The following RGS18 variants were observed in gnomAD, a reference collection of about 807,000 sequenced individuals.
RGS18 encodes regulator of G protein signaling 18.
RGS18 carries 22 observed loss-of-function variants against 27.6 expected under a neutral mutation model. The ratio of observed to expected loss-of-function variants is 0.80; its 90% CI spans 0.57 to 1.14. The LOEUF (loss-of-function observed/expected upper bound fraction) is 1.14, where lower values mean the gene tolerates loss of function less well. Ranked by LOEUF, RGS18 falls within the 50% of genes most tolerant of loss-of-function variation. The pLI is 0.00. For synonymous variants in RGS18, 89 were observed against 84.6 expected (o/e 1.05, Z -0.29); for missense variants, 299 against 269.6 (o/e 1.11, Z -0.76).
At chr1:192,175,444 A>AT (rs1265975940) in intron 3 of RGS18, among the ~76,000 whole-genome samples, 6 of 151,358 alleles carry the variant, frequency 4.0e-5, no homozygotes, top group Admixed American at 1.3e-4. Flanking sequence ...TATCCTCTTG[A>AT]TTTTTTTTCT....
intron 3 of RGS18, among the ~76,000 whole-genome samples, chr1:192,176,472 A>G (rs182938933): frequency 6.6e-6 from 1 of 151,766 alleles, no homozygotes; most frequent in East Asian, 2.0e-4. Context: ...ATCTGTTGCC[A>G]GTTGTATTCT....
At chr1:192,176,498 C>T (rs1470890874) in intron 3 of RGS18, among the ~76,000 whole-genome samples, 1 of 151,574 alleles carries the variant, frequency 6.6e-6, no homozygotes, top group Non-Finnish European at 1.5e-5. Context: ...GAAACTACTG[C>T]CTCAATATTT....
rs552811352 is a variant in RGS18 at position 192,185,406 on chromosome 1, C to T, written c.*852C>T. On this transcript the variant is annotated 3_prime_UTR_variant, in exon 5 of 5. Transcript: ENST00000367460. ...AAACCAGAGAAGGTTTTTCCCAGGACGTCTCATGTTTGGCCCTTTAGAATT... is the reference window on the plus strand; with the variant it reads ...AAACCAGAGAAGGTTTTTCCCAGGATGTCTCATGTTTGGCCCTTTAGAATT... 1.3e-4 allele frequency: 20 copies of T among 151,612 alleles called. No individual in the cohort carries two copies. The highest frequency in any genetic ancestry group is 1.2e-3 in the East Asian group (6 of 5,126). 9.4% of individuals were successfully genotyped at this position (151,612 alleles called of 1,614,324 possible).
intron 4 of RGS18, among the ~76,000 whole-genome samples, chr1:192,183,724 C>T (rs1044273888): frequency 8.6e-5 from 13 of 151,428 alleles, no homozygotes; most frequent in African/African-American, 2.4e-4. Context: ...ATAAATGAAA[C>T]GTGGTGTACC....
chr1:192,170,435 T>C (rs749256920), intron 3 of RGS18, among the ~76,000 whole-genome samples: 2 of 152,104 alleles, frequency 1.3e-5, no homozygotes, highest in Non-Finnish European at 2.9e-5. Flanking sequence ...TCTTATCTTG[T>C]GATACACTGG....
intron 1 of RGS18, 33 bp downstream of exon 1, chr1:192,158,789 C>A: frequency 7.3e-7 from 1 of 1,376,172 alleles, no homozygotes; most frequent in Admixed American, 2.3e-5. Flanking sequence ...CAGCCTTATA[C>A]TTTTAAAAGC....
At chr1:192,160,969 C>T (rs566149469) in intron 3 of RGS18, among the ~76,000 whole-genome samples, 4 of 152,278 alleles carry the variant, frequency 2.6e-5, no homozygotes, top group South Asian at 2.1e-4. Context: ...CCTGCCTCAG[C>T]CTCCCGAGTA....
chr1:192,158,830 G>T, intron 1 of RGS18, 74 bp downstream of exon 1: 1 of 1,011,350 alleles, frequency 9.9e-7, no homozygotes. Context: ...ATTACCTCTT[G>T]TTTTTGAACT....
intron 4 of RGS18, 46 bp from the exon 5 acceptor site, chr1:192,184,251 A>T: frequency 6.4e-7 from 1 of 1,555,366 alleles, no homozygotes; most frequent in Non-Finnish European, 8.8e-7. Flanking sequence ...AAAGTTGTTT[A>T]TATAAGCATA....
At chr1:192,161,913 A>G (rs2102150444) in intron 3 of RGS18, among the ~76,000 whole-genome samples, 1 of 152,222 alleles carries the variant, frequency 6.6e-6, no homozygotes, top group African/African-American at 2.4e-5. Flanking sequence ...GGTCTTGGTG[A>G]CCTTTTCATG....
intron 3 of RGS18, among the ~76,000 whole-genome samples, chr1:192,165,902 A>G (rs1372425218): frequency 6.6e-6 from 1 of 152,216 alleles, no homozygotes; most frequent in Non-Finnish European, 1.5e-5. Context: ...TTTGTAGTTT[A>G]ATACTACATG....
At chr1:192,173,366 G>A (rs1360253321) in intron 3 of RGS18, among the ~76,000 whole-genome samples, 1 of 151,790 alleles carries the variant, frequency 6.6e-6, no homozygotes, top group Non-Finnish European at 1.5e-5. Context: ...GAGATATTGT[G>A]TAATTTTCTT....
At chr1:192,160,337 T>G (rs1180111482) in intron 2 of RGS18, 41 bp from the exon 3 acceptor site, 1 of 1,361,312 alleles carries the variant, frequency 7.3e-7, no homozygotes, top group Non-Finnish European at 1.0e-6. Flanking sequence ...TAAACAGACT[T>G]TCTGCACACT....
rs1322983574 is a variant in RGS18 at position 192,159,349 on chromosome 1, A to G, written c.221+28A>G. On this transcript the variant is annotated intron_variant, in intron 2 of 4. Coordinates refer to ENST00000367460, the MANE Select transcript of RGS18 (RefSeq NM_130782.3). ...GAATAAATTTTCAGTATTTTGAGGAAGATTTTGCTGATTCTATCATTAAAG... is the reference window on the plus strand; with the variant it reads ...GAATAAATTTTCAGTATTTTGAGGAGGATTTTGCTGATTCTATCATTAAAG... 2.7e-6 allele frequency: 4 copies of G among 1,470,210 alleles called. No individual in the cohort carries two copies. In the East Asian group the frequency reaches 9.1e-5, roughly 33 times the overall value. The allele number at this position is 1,470,210 out of a possible 1,614,324, so 91.1% of individuals were successfully genotyped here.
chr1:192,161,960 G>A (rs1656080747), intron 3 of RGS18, among the ~76,000 whole-genome samples: 1 of 152,058 alleles, frequency 6.6e-6, no homozygotes, highest in South Asian at 2.1e-4. Context: ...TTCTATATCT[G>A]TAGATGATAC....
intron 4 of RGS18, among the ~76,000 whole-genome samples, chr1:192,182,277 A>G (rs1656469567): frequency 6.6e-6 from 1 of 151,582 alleles, no homozygotes; most frequent in Admixed American, 6.6e-5. Flanking sequence ...ACTATTTTCT[A>G]TAATGGCTGC....
In RGS18 at chr1:192,184,615, T is replaced by C. The variant is rs1236091540; in HGVS notation, c.*61T>C. On this transcript the variant is annotated 3_prime_UTR_variant, in exon 5 of 5. Transcript: ENST00000367460. ...ATACATCTGCTTCTAACATATCGCA[T>C]GTTTATGTTAAGATTTGGTCCCATC... 2.0e-6 allele frequency: 3 copies of C among 1,468,660 alleles called. No individual in the cohort carries two copies. The Admixed American group carries it at 5.5e-5, about 27-fold the overall frequency. 91.0% of individuals were successfully genotyped at this position (1,468,660 alleles called of 1,614,324 possible). A position where few individuals can be genotyped will look rare whatever the true frequency, so the allele number is the denominator to read the frequency against.
At chr1:192,171,285 T>A (rs568918252) in intron 3 of RGS18, among the ~76,000 whole-genome samples, 1 of 151,964 alleles carries the variant, frequency 6.6e-6, no homozygotes, top group African/African-American at 2.4e-5. Context: ...ACTTGATCAC[T>A]CTTGCTTCTC....
At chr1:192,172,055 G>A (rs1438731937) in intron 3 of RGS18, among the ~76,000 whole-genome samples, 1 of 152,038 alleles carries the variant, frequency 6.6e-6, no homozygotes, top group Non-Finnish European at 1.5e-5. Context: ...TAAGCTGTTT[G>A]CAGTTATAGA....
Sources: allele counts gnomAD v4.1 joint callset (sites outside exome capture counted in the v4.1 genomes callset), GRCh38; gene constraint gnomAD v4.1.1; transcripts MANE v1.5; gene names NCBI Gene and HGNC (gene_info 2026-07-23, HGNC 2026-07-21).